Variants in GRID2 observed in about 807,000 individuals in gnomAD.
GRID2 encodes the protein glutamate ionotropic receptor delta type subunit 2, also known as glutamate receptor ionotropic, delta-2.
A neutral mutation model predicts 114.8 loss-of-function variants in GRID2; 33 were observed. That is an observed-to-expected ratio of 0.29 (90% CI 0.22 to 0.38). The LOEUF is 0.38. Ranked by LOEUF, GRID2 falls within the 10% of genes least tolerant of loss-of-function variation. The probability of loss-of-function intolerance (pLI) is 1.00; values close to 1 mark genes in which losing one functional copy is unlikely to be tolerated. For missense variants in GRID2, 1,184 were observed against 1,257.7 expected, an observed-to-expected ratio of 0.94 and a Z score of 0.89; for synonymous variants, 505 against 449.9, an observed-to-expected ratio of 1.12 and a Z score of -1.55.
intron 9 of GRID2, among the ~76,000 whole-genome samples, chr4:93,403,703 T>C (rs1189298499): frequency 6.6e-6 from 1 of 152,086 alleles, no homozygotes; most frequent in Non-Finnish European, 1.5e-5. Context: ...CTAGGATGGC[T>C]ATATTCAAAA....
intron 2 of GRID2, among the ~76,000 whole-genome samples, chr4:92,676,158 C>CT (rs1412948510): frequency 1.4e-4 from 3 of 21,938 alleles, no homozygotes; most frequent in Non-Finnish European, 2.7e-4. Context: ...CGTGTCAAGC[C>CT]CCCCCCCCCC....
chr4:92,987,011 A>C (rs1310527779), intron 2 of GRID2, among the ~76,000 whole-genome samples: 7 of 152,176 alleles, frequency 4.6e-5, no homozygotes, highest in Non-Finnish European at 1.0e-4. Context: ...ATACCCTTGA[A>C]CAAAGTTTTA....
chr4:92,433,271 T>C (rs1443129492), intron 1 of GRID2, among the ~76,000 whole-genome samples: 1 of 152,182 alleles, frequency 6.6e-6, no homozygotes, highest in Non-Finnish European at 1.5e-5. Context: ...CACTATGTCA[T>C]GTACACCTCA....
rs550783332 is a variant in GRID2 at position 93,183,069 on chromosome 4, A to C, written c.736-24335A>C. ...TTTATTCATCAACTGAGCAGAATTAAATCAAAATGAGTAAAATAAAGTAAA... is the reference window on the plus strand; with the variant it reads ...TTTATTCATCAACTGAGCAGAATTACATCAAAATGAGTAAAATAAAGTAAA... On this transcript the variant is annotated intron_variant, in intron 4 of 15. Transcript: ENST00000282020. Among the ~76,000 whole-genome samples the C allele has an allele frequency of 5.3e-5, 8 of 152,358 alleles. No homozygotes were observed. The South Asian group carries it at 1.7e-3, about 32-fold the overall frequency.
chr4:92,490,816 A>C (rs1373365198), intron 1 of GRID2, among the ~76,000 whole-genome samples: 1 of 152,114 alleles, frequency 6.6e-6, no homozygotes, highest in East Asian at 1.9e-4. Context: ...TTCAATGTTA[A>C]CCTTTAAGAA....
intron 2 of GRID2, among the ~76,000 whole-genome samples, chr4:92,958,954 T>A (rs1231026146): frequency 2.6e-5 from 4 of 151,996 alleles, no homozygotes; most frequent in Admixed American, 6.6e-5. Context: ...TTTGTGGTCA[T>A]GGAGTTGTTT....
At chr4:92,934,933 C>A (rs1271787962) in intron 2 of GRID2, among the ~76,000 whole-genome samples, 1 of 146,630 alleles carries the variant, frequency 6.8e-6, no homozygotes, top group African/African-American at 2.4e-5. Context: ...ACCATAAAAA[C>A]CCTAGAAGAA....
chr4:93,244,000 A>C (rs79070481), intron 8 of GRID2, among the ~76,000 whole-genome samples: 3,648 of 152,178 alleles, frequency 0.024, 149 homozygotes, highest in African/African-American at 0.082. Context: ...TAATTTGAGC[A>C]AAAGTTATTA....
chr4:92,404,636 C>T (rs971621541), intron 1 of GRID2, among the ~76,000 whole-genome samples: 1 of 152,108 alleles, frequency 6.6e-6, no homozygotes, highest in African/African-American at 2.4e-5. Context: ...ACCCAAATGC[C>T]CATCAATGAT....
intron 4 of GRID2, among the ~76,000 whole-genome samples, chr4:93,188,239 T>G (rs1031428837): frequency 6.6e-6 from 1 of 152,210 alleles, no homozygotes; most frequent in African/African-American, 2.4e-5. Context: ...ATTTGAAATC[T>G]AGAGTCATCC....
intron 2 of GRID2, among the ~76,000 whole-genome samples, chr4:93,026,440 G>T (rs1019932468): frequency 6.6e-6 from 1 of 151,758 alleles, no homozygotes; most frequent in Non-Finnish European, 1.5e-5. Context: ...TTTGTATCCT[G>T]AGCTTGGCTT....
chr4:93,697,594 G>A (rs1252835281), intron 14 of GRID2, among the ~76,000 whole-genome samples: 1 of 151,950 alleles, frequency 6.6e-6, no homozygotes, highest in Non-Finnish European at 1.5e-5. Context: ...TGCAGTGCCA[G>A]ATGCTACCGA....
At chr4:92,666,693 T>C (rs62309228) in intron 2 of GRID2, among the ~76,000 whole-genome samples, 8,753 of 145,490 alleles carry the variant, frequency 0.06, 367 homozygotes, top group East Asian at 0.16. Context: ...GAGCCTGCAT[T>C]TCTCCCTGGG....
chr4:93,125,170 C>A (rs996577028), intron 4 of GRID2, among the ~76,000 whole-genome samples: 6 of 151,880 alleles, frequency 4.0e-5, no homozygotes, highest in Admixed American at 3.9e-4. Context: ...TCACGTTAGA[C>A]CTGGGTCCTG....
chr4:92,443,804 C>T (rs2149070769), intron 1 of GRID2, among the ~76,000 whole-genome samples: 1 of 152,294 alleles, frequency 6.6e-6, no homozygotes, highest in Admixed American at 6.5e-5. Context: ...CGTGGTATGA[C>T]ACCTTTGAAA....
intron 13 of GRID2, among the ~76,000 whole-genome samples, chr4:93,574,806 T>C (rs1000776521): frequency 1.3e-5 from 2 of 152,224 alleles, no homozygotes; most frequent in African/African-American, 4.8e-5. Context: ...TTATAAGTTG[T>C]CTCAGTTATC....
At chr4:93,802,127 G>A (rs541754354) in intron 1 of GRID2, among the ~76,000 whole-genome samples, 6 of 152,278 alleles carry the variant, frequency 3.9e-5, no homozygotes, top group African/African-American at 1.4e-4. Context: ...CTGCCGCAGG[G>A]CGTGCCCTGA....
At chr4:92,697,246 T>A (rs1734460648) in intron 2 of GRID2, among the ~76,000 whole-genome samples, 1 of 152,140 alleles carries the variant, frequency 6.6e-6, no homozygotes, top group South Asian at 2.1e-4. Flanking sequence ...GAAGGCTTTT[T>A]GGAGTAGGTG....
chr4:92,520,723 C>G (rs1196197740), intron 1 of GRID2, among the ~76,000 whole-genome samples: 1 of 151,942 alleles, frequency 6.6e-6, no homozygotes, highest in Non-Finnish European at 1.5e-5. Flanking sequence ...AACAGTGACT[C>G]TTTTCCCTGA....
Sources: gnomAD v4.1 joint callset for allele counts (sites outside exome capture counted in the v4.1 genomes callset) on GRCh38, gnomAD v4.1.1 for gene constraint, MANE v1.5 for transcripts, NCBI Gene and HGNC (gene_info 2026-07-23, HGNC 2026-07-21) for gene names.